The following DENND1B variants were observed in gnomAD, a reference collection of about 807,000 sequenced individuals.
DENND1B encodes the protein DENN domain-containing protein 1B.
In DENND1B, 59 loss-of-function variants were observed where a neutral mutation model predicts 90.1. The observed-to-expected ratio is 0.65, with a 90% CI of 0.53 to 0.81. The LOEUF is 0.81. DENND1B is among the 40% of genes least tolerant of loss of function. DENND1B has a pLI of 0.00. For synonymous variants in DENND1B, 337 were observed against 324.6 expected (o/e 1.04, Z -0.41); for missense variants, 862 against 912.6 (o/e 0.94, Z 0.71).
At chr1:197,721,547 CAAGCA>C (rs1179883900) in intron 2 of DENND1B, among the ~76,000 whole-genome samples, 13 of 151,898 alleles carry the variant, frequency 8.6e-5, no homozygotes, top group African/African-American at 2.9e-4. Flanking sequence ...ACAAGTAAGA[CAAGCA>C]AAGGATAATC....
chr1:197,627,931 T>A (rs1194010582), intron 10 of DENND1B, among the ~76,000 whole-genome samples: 1 of 152,044 alleles, frequency 6.6e-6, no homozygotes, highest in Non-Finnish European at 1.5e-5. Context: ...CACAATTGCT[T>A]CAAAGAGAAT....
At chr1:197,704,766 A>G (rs1372402197) in intron 3 of DENND1B, among the ~76,000 whole-genome samples, 1 of 152,188 alleles carries the variant, frequency 6.6e-6, no homozygotes, top group East Asian at 1.9e-4. Flanking sequence ...TAAAGATACC[A>G]AGAGAAAAAT....
chr1:197,750,619 T>C (rs1047868828), intron 2 of DENND1B, among the ~76,000 whole-genome samples: 39 of 150,370 alleles, frequency 2.6e-4, no homozygotes, highest in Non-Finnish European at 3.8e-4. Context: ...GATAAAGATA[T>C]AGACATAGTT....
intron 20 of DENND1B, among the ~76,000 whole-genome samples, chr1:197,521,297 CAAG>C (rs1299059442): frequency 2.6e-5 from 4 of 151,762 alleles, no homozygotes; most frequent in Non-Finnish European, 5.9e-5. Flanking sequence ...CCTGATGCAC[CAAG>C]GAGACTGTTA....
At chr1:197,688,882 A>T in intron 3 of DENND1B, 1 of 214,614 alleles carries the variant, frequency 4.7e-6, no homozygotes, top group South Asian at 8.5e-5. Context: ...CCATTAAAAA[A>T]TGTGAGGACA....
intron 2 of DENND1B, among the ~76,000 whole-genome samples, chr1:197,724,536 T>C (rs1210146931): frequency 6.6e-6 from 1 of 152,130 alleles, no homozygotes; most frequent in African/African-American, 2.4e-5. Context: ...AAATGCCCTC[T>C]TGAAGAAGAA....
intron 15 of DENND1B, among the ~76,000 whole-genome samples, chr1:197,560,544 T>G (rs1205579098): frequency 6.6e-6 from 1 of 151,684 alleles, no homozygotes; most frequent in East Asian, 1.9e-4. Flanking sequence ...AGCCAAGTCT[T>G]CAAAGCCATG....
chr1:197,682,391 G>A (rs574497088), intron 3 of DENND1B, among the ~76,000 whole-genome samples: 2 of 152,222 alleles, frequency 1.3e-5, no homozygotes, highest in South Asian at 4.1e-4. Flanking sequence ...ATTATTTAAT[G>A]AAGACTATTT....
At chr1:197,552,147 C>T in intron 16 of DENND1B, 1 of 838,148 alleles carries the variant, frequency 1.2e-6, no homozygotes, top group Non-Finnish European at 1.4e-6. Flanking sequence ...TGAATTCCAG[C>T]ATCTATTTAT....
chr1:197,778,692 A>C (rs889827995), upstream of DENND1B, among the ~76,000 whole-genome samples: 1 of 152,152 alleles, frequency 6.6e-6, no homozygotes, highest in Non-Finnish European at 1.5e-5. Context: ...AATTAAAAAA[A>C]AAAAAGAGAG....
chr1:197,671,001 A>G (rs1655451255), intron 5 of DENND1B, among the ~76,000 whole-genome samples: 1 of 152,186 alleles, frequency 6.6e-6, no homozygotes, highest in South Asian at 2.1e-4. Context: ...ACTTTTGAAT[A>G]AAGATAGAAA....
intron 2 of DENND1B, among the ~76,000 whole-genome samples, chr1:197,722,779 A>T (rs1236814697): frequency 2.0e-5 from 3 of 152,172 alleles, no homozygotes; most frequent in Non-Finnish European, 4.4e-5. Flanking sequence ...AAAAATAGAG[A>T]TCACACTTCT....
intron 18 of DENND1B, among the ~76,000 whole-genome samples, chr1:197,544,858 GGA>G (rs1332975429): frequency 2.1e-5 from 3 of 144,214 alleles, no homozygotes; most frequent in Non-Finnish European, 3.0e-5. Context: ...AGGAAGAAGA[GGA>G]AGGAGGAGAA....
At chr1:197,529,242 A>ATGTGTGTGTG (rs1160722638) in intron 20 of DENND1B, among the ~76,000 whole-genome samples, 12 of 10,856 alleles carry the variant, frequency 1.1e-3, no homozygotes, top group African/African-American at 2.0e-3. Flanking sequence ...ATATATATAT[A>ATGTGTGTGTG]TGTGTGTGTG....
At chr1:197,636,455 G>T (rs1202118131) in intron 10 of DENND1B, among the ~76,000 whole-genome samples, 1 of 152,150 alleles carries the variant, frequency 6.6e-6, no homozygotes, top group Non-Finnish European at 1.5e-5. Flanking sequence ...CATAAAGGTT[G>T]TAAGCATATA....
chr1:197,642,664 G>C, intron 10 of DENND1B, 47 bp downstream of exon 10: 2 of 1,402,704 alleles, frequency 1.4e-6, no homozygotes, highest in Non-Finnish European at 2.0e-6. Flanking sequence ...AGGTCTTTTT[G>C]TGAAACACTC....
At position 197,660,437 on chromosome 1, in the gene DENND1B, C is replaced by T. The variant is rs1654296604; in HGVS notation, c.297-2068G>A. On this transcript the variant is annotated intron_variant, in intron 5 of 22. Coordinates refer to ENST00000620048, the MANE Select transcript of DENND1B (RefSeq NM_001195215.2). ...CAACTATCATATAGCTATAGTCATT[C>T]CATAAAGAAAAAATAGAGGAAAGAA... Among the ~76,000 whole-genome samples the T allele has an allele frequency of 2.6e-5, 4 of 151,818 alleles. No individual in the cohort carries two copies. In the South Asian group the frequency reaches 8.3e-4, roughly 31 times the overall value.
chr1:197,517,008 T>G (rs1558192649), intron 20 of DENND1B, among the ~76,000 whole-genome samples: 1 of 151,856 alleles, frequency 6.6e-6, no homozygotes, highest in Non-Finnish European at 1.5e-5. Context: ...ATTTGGCAAA[T>G]GTACTATTAA....
intron 11 of DENND1B, among the ~76,000 whole-genome samples, chr1:197,616,832 G>C (rs1250435053): frequency 6.6e-6 from 1 of 151,048 alleles, no homozygotes; most frequent in Non-Finnish European, 1.5e-5. Flanking sequence ...TGTGCACAAT[G>C]ATTTAGAGGA....
Sources: gnomAD v4.1 joint callset for allele counts (sites outside exome capture counted in the v4.1 genomes callset) on GRCh38, gnomAD v4.1.1 for gene constraint, MANE v1.5 for transcripts, NCBI Gene and HGNC (gene_info 2026-07-23, HGNC 2026-07-21) for gene names.